Variants in SIRT3 observed in about 807,000 individuals in gnomAD.
SIRT3 encodes sirtuin 3, also known as NAD-dependent protein deacetylase sirtuin-3, mitochondrial.
Under a neutral mutation model 33.5 loss-of-function variants are expected in SIRT3, and 26 were observed. The ratio of observed to expected loss-of-function variants is 0.78; its 90% CI spans 0.57 to 1.08. SIRT3 has a LOEUF of 1.08. SIRT3 is among the 50% of genes least tolerant of loss of function. The pLI, the probability that SIRT3 is intolerant of heterozygous loss-of-function variation, is 0.00. For synonymous variants in SIRT3, 237 were observed against 222.1 expected, an observed-to-expected ratio of 1.07 and a Z score of -0.60; for missense variants, 585 against 530.1, an observed-to-expected ratio of 1.10 and a Z score of -1.02.
chr11:231,758 G>A (rs7483951), intron 3 of SIRT3, among the ~76,000 whole-genome samples: 120,193 of 152,050 alleles, frequency 0.79, 47,828 homozygotes, highest in African/African-American at 0.88. Flanking sequence ...TGGGGCATCC[G>A]CTGCTGCCTC....
At position 218,934 on chromosome 11, in the gene SIRT3, G is replaced by A. The variant is rs200573893; in HGVS notation, c.1077C>T (p.Asp359=). The A allele has an allele frequency of 2.7e-5, 44 of 1,614,004 alleles. No individual in the cohort carries two copies. Among genetic ancestry groups the A allele is most frequent in the Admixed American group, 2.2e-4 (13 of 59,996 alleles). The change falls in exon 6 of 7, where the codon GAC becomes GAT. Residue 359 remains aspartate, a synonymous_variant. Transcript: ENST00000382743. ...GAACCACGTCCCCCAGCTGGGCCAC[G>A]TCCCTGCTGCGAGGATGCCAAGCCA... ...GPLAWHPRSR[D]VAQLGDVVHG... is the part of the protein sequence containing the mutation.
At chr11:219,319 G>T (rs1029847343) in intron 5 of SIRT3, among the ~76,000 whole-genome samples, 1 of 152,050 alleles carries the variant, frequency 6.6e-6, no homozygotes, top group African/African-American at 2.4e-5. Context: ...GCTCATCAGG[G>T]ATCCAACCTT....
At chr11:228,274 A>G (rs770895326) in intron 4 of SIRT3, among the ~76,000 whole-genome samples, 5 of 152,232 alleles carry the variant, frequency 3.3e-5, no homozygotes, top group African/African-American at 1.2e-4. Context: ...AGACTAAACT[A>G]TTTGTTGAAT....
At chr11:225,787 A>G (rs1257976625) in intron 4 of SIRT3, 5 of 152,228 alleles carry the variant, frequency 3.3e-5, no homozygotes, top group African/African-American at 9.6e-5. Context: ...GGGGCCAGAT[A>G]GTGGGCTAGG....
intron 6 of SIRT3, among the ~76,000 whole-genome samples, chr11:218,543 T>C (rs1488611609): frequency 6.6e-6 from 1 of 152,224 alleles, no homozygotes; most frequent in Non-Finnish European, 1.5e-5. Context: ...GGCTGCTTTA[T>C]TTTAGGGAGT....
intron 5 of SIRT3, among the ~76,000 whole-genome samples, chr11:219,779 T>A (rs1216411590): frequency 6.6e-6 from 1 of 151,994 alleles, no homozygotes; most frequent in African/African-American, 2.4e-5. Flanking sequence ...CAAGTAAGGA[T>A]AGGGAAGAAC....
At chr11:221,851 C>T (rs1856485687) in intron 5 of SIRT3, among the ~76,000 whole-genome samples, 1 of 151,034 alleles carries the variant, frequency 6.6e-6, no homozygotes, top group Non-Finnish European at 1.5e-5. Context: ...ACAGTGCTGT[C>T]CAACTTTTAG....
At chr11:229,712 T>C (rs1212593886) in intron 4 of SIRT3, among the ~76,000 whole-genome samples, 1 of 151,976 alleles carries the variant, frequency 6.6e-6, no homozygotes, top group African/African-American at 2.4e-5. Flanking sequence ...TGAGCCGAAA[T>C]CGCGCCATTG....
At chr11:233,560 A>C in intron 1 of SIRT3, 26 bp from the exon 2 acceptor site, 1 of 1,611,450 alleles carries the variant, frequency 6.2e-7, no homozygotes, top group Middle Eastern at 1.7e-4. Flanking sequence ...ACAGCAGCAA[A>C]GGAAACAGAT....
At chr11:225,140 G>A (rs1332930070) in intron 4 of SIRT3, among the ~76,000 whole-genome samples, 2 of 151,992 alleles carry the variant, frequency 1.3e-5, no homozygotes, top group Admixed American at 6.6e-5. Flanking sequence ...AAGGCCAGGC[G>A]CAGTGGCTCA....
upstream of SIRT3, chr11:236,898 G>C (rs969964830): frequency 7.4e-6 from 5 of 675,358 alleles, no homozygotes; most frequent in East Asian, 2.8e-5. Flanking sequence ...CGCTGTAACC[G>C]AGCAACCAGC....
chr11:216,486 A>T lies in SIRT3; in HGVS notation c.*212T>A, dbSNP rs149676983. 3.1e-4 allele frequency: 184 copies of T among 588,086 alleles called. 1 individual carries two copies. The highest frequency in any genetic ancestry group is 2.7e-3 in the Middle Eastern group (6 of 2,238). The allele number at this position is 588,086 out of a possible 1,614,324, so 36.4% of individuals were successfully genotyped here. On this transcript the variant is annotated 3_prime_UTR_variant, in exon 7 of 7. Transcript: ENST00000382743. ...AAACAGGCAGGCAGCTCCTTTGTAT[A>T]TGTGACGGGGTGGCCCTGACTGTAA...
chr11:215,457 G>A lies in SIRT3; in HGVS notation c.*1241C>T, dbSNP rs931974998. 1 of 152,192 alleles carries A rather than the reference G, an allele frequency of 6.6e-6. No homozygotes were observed. The highest frequency in any genetic ancestry group is 6.5e-5 in the Admixed American group (1 of 15,284). 9.4% of individuals were successfully genotyped at this position (152,192 alleles called of 1,614,324 possible). On this transcript the variant is annotated 3_prime_UTR_variant, in exon 7 of 7. Coordinates refer to ENST00000382743, the MANE Select transcript of SIRT3 (RefSeq NM_012239.6). ...TTAGAAACTAACTTCATTCTTTTTAGAATTCAACAGTTTTCCTAGGTCACC... is the reference window on the plus strand; with the variant it reads ...TTAGAAACTAACTTCATTCTTTTTAAAATTCAACAGTTTTCCTAGGTCACC...
At position 220,348 on chromosome 11, in the gene SIRT3, AAAG is replaced by A. The variant is rs1438885868; in HGVS notation, c.970-1310_970-1308del. On this transcript the variant is annotated intron_variant, in intron 5 of 6. Transcript: ENST00000382743. Reference sequence around the variant, plus strand: ...TCTGTCTCAAAAAAAAAAAAAAAAAAAAGAAAGAAGTTTATATTAACATTAAAA... The same window carrying A: ...TCTGTCTCAAAAAAAAAAAAAAAAAAAAAGAAGTTTATATTAACATTAAAA... 9.3e-5 allele frequency among the ~76,000 whole-genome samples: 14 copies of A among 150,368 alleles called. No individual in the cohort carries two copies. The East Asian group carries it at 2.7e-3, about 29-fold the overall frequency.
intron 3 of SIRT3, among the ~76,000 whole-genome samples, chr11:232,077 T>G (rs1347720179): frequency 6.6e-6 from 1 of 152,044 alleles, no homozygotes; most frequent in Non-Finnish European, 1.5e-5. Context: ...TTCTTCAGTG[T>G]GAATCACTAT....
chr11:233,452 TC>T lies in SIRT3; in HGVS notation c.363del (p.Lys122SerfsTer7). On this transcript the variant is annotated frameshift_variant, in exon 2 of 7. Transcript: ENST00000382743. LOFTEE classifies it high-confidence loss of function. ...VVGSGGSSDK[G>X]KLSLQDVAEL... is the part of the protein sequence containing the mutation. Reference sequence around the variant, plus strand: ...TCAGCTACATCCTGCAGGGAAAGCTTCCCCTTGTCACTGCTGCCTCCACTTC... The same window carrying T: ...TCAGCTACATCCTGCAGGGAAAGCTTCCCTTGTCACTGCTGCCTCCACTTC... 6.2e-7 allele frequency: 1 copy of T among 1,613,852 alleles called. No homozygotes were observed. Among genetic ancestry groups the T allele is most frequent in the Non-Finnish European group, 8.5e-7 (1 of 1,179,964 alleles).
chr11:225,263 T>A (rs1221366152), intron 4 of SIRT3, among the ~76,000 whole-genome samples: 1 of 151,952 alleles, frequency 6.6e-6, no homozygotes, highest in African/African-American at 2.4e-5. Context: ...ACACAAAAAA[T>A]TAGCCAGGCG....
rs749225466 is a variant in SIRT3, at chr11:218,752, G to A, written c.1179+80C>T. 50 of 1,602,872 alleles carry A rather than the reference G, an allele frequency of 3.1e-5. 1 individual carries two copies. The highest frequency in any genetic ancestry group is 1.8e-4 in the South Asian group (16 of 90,562). On this transcript the variant is annotated intron_variant, in intron 6 of 6. Transcript: ENST00000382743. ...TATTACTGTTACTGTGTTAACCAAC[G>A]GGGCTCCATATCAGGTGGACCATAC...
chr11:219,051 G>A lies in SIRT3; in HGVS notation c.970-10C>T, dbSNP rs748168333. ...TGGCAAAAGGCTCCACCTGAAAAAT[G>A]GGCCAAACGTGAGGGGCACAGTGTC... On this transcript the variant is annotated splice_polypyrimidine_tract_variant and intron_variant, in intron 5 of 6. Transcript: ENST00000382743. The A allele has an allele frequency of 6.2e-7, 1 of 1,606,334 alleles. No homozygotes were observed. Among genetic ancestry groups the A allele is most frequent in the Non-Finnish European group, 8.5e-7 (1 of 1,176,440 alleles).
Sources: allele counts gnomAD v4.1 joint callset (sites outside exome capture counted in the v4.1 genomes callset), GRCh38; gene constraint gnomAD v4.1.1; transcripts MANE v1.5; gene names NCBI Gene and HGNC (gene_info 2026-07-23, HGNC 2026-07-21).